The following KCNQ3 variants were observed in gnomAD, a reference collection of about 807,000 sequenced individuals.
KCNQ3 encodes potassium voltage-gated channel subfamily Q member 3, also known as potassium voltage-gated channel subfamily KQT member 3.
KCNQ3 carries 30 observed loss-of-function variants against 92.5 expected under a neutral mutation model. That is an observed-to-expected ratio of 0.32 (90% CI 0.24 to 0.44). The LOEUF (loss-of-function observed/expected upper bound fraction) is 0.44. KCNQ3 is among the 20% of genes least tolerant of loss of function. The pLI is 1.00. For missense variants in KCNQ3, 913 were observed against 1,140.3 expected (o/e 0.80, Z 2.87); for synonymous variants, 450 against 468.8 (o/e 0.96, Z 0.52).
intron 1 of KCNQ3, among the ~76,000 whole-genome samples, chr8:132,263,656 G>C (rs1007155834): frequency 6.6e-6 from 1 of 152,182 alleles, no homozygotes; most frequent in South Asian, 2.1e-4. Context: ...AACAAAGAAT[G>C]ATGGGGGAAG....
At chr8:132,242,309 G>GCAAC (rs1815023390) in intron 1 of KCNQ3, among the ~76,000 whole-genome samples, 1 of 152,154 alleles carries the variant, frequency 6.6e-6, no homozygotes, top group African/African-American at 2.4e-5. Flanking sequence ...TGGGTAGAAG[G>GCAAC]CAACCCTGTG....
At chr8:132,284,271 T>C (rs1205334317) in intron 1 of KCNQ3, among the ~76,000 whole-genome samples, 2 of 152,070 alleles carry the variant, frequency 1.3e-5, no homozygotes, top group East Asian at 3.9e-4. Flanking sequence ...GAGGAGCAAA[T>C]TGTTATTCCT....
intron 1 of KCNQ3, among the ~76,000 whole-genome samples, chr8:132,231,817 T>C (rs1336709659): frequency 6.6e-6 from 1 of 152,240 alleles, no homozygotes; most frequent in Non-Finnish European, 1.5e-5. Flanking sequence ...TAAGTCACAA[T>C]GATCATTAGG....
intron 1 of KCNQ3, among the ~76,000 whole-genome samples, chr8:132,444,321 T>C (rs1402924187): frequency 6.6e-6 from 1 of 152,202 alleles, no homozygotes; most frequent in Admixed American, 6.5e-5. Flanking sequence ...AAGCTCTGTT[T>C]CTGCACTTTG....
At chr8:132,279,686 A>C (rs2130523468) in intron 1 of KCNQ3, among the ~76,000 whole-genome samples, 1 of 152,364 alleles carries the variant, frequency 6.6e-6, no homozygotes, top group Non-Finnish European at 1.5e-5. Flanking sequence ...GTGTATATGT[A>C]TACACATGAT....
chr8:132,367,855 A>T (rs1292037035), intron 1 of KCNQ3, among the ~76,000 whole-genome samples: 3 of 152,326 alleles, frequency 2.0e-5, no homozygotes, highest in South Asian at 4.1e-4. Context: ...TCCCAGACAT[A>T]TTTGAGAATC....
intron 1 of KCNQ3, among the ~76,000 whole-genome samples, chr8:132,436,532 A>C (rs1435576392): frequency 1.3e-5 from 2 of 152,224 alleles, no homozygotes; most frequent in South Asian, 4.1e-4. Context: ...ATGAATGAAA[A>C]AACAGCTTCT....
At chr8:132,134,039 G>T in intron 13 of KCNQ3, among the ~76,000 whole-genome samples, 1 of 152,192 alleles carries the variant, frequency 6.6e-6, no homozygotes, top group Non-Finnish European at 1.5e-5. Context: ...TGAAACAGGT[G>T]GGGCTATTAT....
intron 1 of KCNQ3, among the ~76,000 whole-genome samples, chr8:132,371,726 T>G (rs751409672): frequency 4.6e-5 from 7 of 152,174 alleles, no homozygotes; most frequent in Non-Finnish European, 7.3e-5. Context: ...AGGTAAAGCT[T>G]TATCCCTTTA....
intron 1 of KCNQ3, among the ~76,000 whole-genome samples, chr8:132,433,697 C>T (rs947493789): frequency 6.6e-6 from 1 of 151,240 alleles, no homozygotes; most frequent in Non-Finnish European, 1.5e-5. Flanking sequence ...CGAGACCAGC[C>T]TGGCCAACAT....
chr8:132,271,221 C>G (rs1319876390), intron 1 of KCNQ3, among the ~76,000 whole-genome samples: 1 of 152,222 alleles, frequency 6.6e-6, no homozygotes, highest in Non-Finnish European at 1.5e-5. Flanking sequence ...TGGGCCAGTG[C>G]CTGCCACAGG....
intron 1 of KCNQ3, among the ~76,000 whole-genome samples, chr8:132,227,741 T>C (rs958070487): frequency 6.6e-6 from 1 of 152,190 alleles, no homozygotes; most frequent in Admixed American, 6.5e-5. Flanking sequence ...TCCTCATTTG[T>C]TCTGTTCTTG....
At chr8:132,382,037 G>A (rs1819765486) in intron 1 of KCNQ3, among the ~76,000 whole-genome samples, 1 of 152,240 alleles carries the variant, frequency 6.6e-6, no homozygotes, top group Non-Finnish European at 1.5e-5. Flanking sequence ...GTCCAAATCA[G>A]ATTAAATGGC....
At chr8:132,208,559 T>C (rs1270097118) in intron 1 of KCNQ3, among the ~76,000 whole-genome samples, 2 of 144,854 alleles carry the variant, frequency 1.4e-5, no homozygotes, top group East Asian at 1.9e-4. Flanking sequence ...TAGGAGAGCC[T>C]TGAGAAAGTA....
intron 1 of KCNQ3, among the ~76,000 whole-genome samples, chr8:132,308,851 T>C (rs1018947843): frequency 2.6e-5 from 4 of 152,222 alleles, no homozygotes; most frequent in African/African-American, 9.6e-5. Flanking sequence ...GTGGCAGAAC[T>C]AGAATTTCAG....
At chr8:132,175,653 C>T (rs545139220) in intron 4 of KCNQ3, 45 bp from the exon 5 acceptor site, 46 of 1,594,858 alleles carry the variant, frequency 2.9e-5, no homozygotes, top group Non-Finnish European at 3.5e-5. Context: ...ACTGGGGAGT[C>T]GTTGAGTGGA....
intron 1 of KCNQ3, among the ~76,000 whole-genome samples, chr8:132,255,287 C>T (rs1308275622): frequency 6.6e-6 from 1 of 152,158 alleles, no homozygotes; most frequent in African/African-American, 2.4e-5. Context: ...ACTTGCAGGA[C>T]TTGTCTATAT....
intron 1 of KCNQ3, among the ~76,000 whole-genome samples, chr8:132,358,687 G>T (rs1819081852): frequency 6.6e-6 from 1 of 152,208 alleles, no homozygotes; most frequent in Non-Finnish European, 1.5e-5. Context: ...ACTTCACGTG[G>T]AATTCAAATA....
chr8:132,251,629 G>A (rs1179395675), intron 1 of KCNQ3, among the ~76,000 whole-genome samples: 1 of 152,174 alleles, frequency 6.6e-6, no homozygotes, highest in Non-Finnish European at 1.5e-5. Context: ...GGTCATGGGA[G>A]GCTCACTCCT....
Sources: allele counts gnomAD v4.1 joint callset (sites outside exome capture counted in the v4.1 genomes callset), GRCh38; gene constraint gnomAD v4.1.1; transcripts MANE v1.5; gene names NCBI Gene and HGNC (gene_info 2026-07-23, HGNC 2026-07-21).